NCAPD3: variants seen among roughly 807,000 people sequenced by gnomAD.
NCAPD3 encodes the protein condensin-2 complex subunit D3.
A neutral mutation model predicts 182.9 loss-of-function variants in NCAPD3; 105 were observed. The observed-to-expected ratio is 0.57, with a 90% confidence interval of 0.49 to 0.68. The LOEUF is 0.68. NCAPD3 is among the 30% of genes least tolerant of loss of function. The pLI, the probability that NCAPD3 is intolerant of heterozygous loss-of-function variation, is 0.00. For synonymous variants in NCAPD3, 815 were observed against 679.9 expected, an observed-to-expected ratio of 1.20 and a Z score of -3.09; for missense variants, 1,944 against 1,837.0, an observed-to-expected ratio of 1.06 and a Z score of -1.07.
intron 13 of NCAPD3, among the ~76,000 whole-genome samples, chr11:134,195,262 AT>A (rs36072314): frequency 0.36 from 54,242 of 151,516 alleles, 9,898 homozygotes; most frequent in African/African-American, 0.43. Context: ...CACCATGCTA[AT>A]TTTTTTTTAT....
Position 134,178,858 on chromosome 11 carries a change from G to C in NCAPD3, c.2638C>G (p.Gln880Glu), listed in dbSNP as rs1944230603. ...TCAGCAGACGAAGCCAGGACGGACTGAATCAGAAGGAAGATGCGCTTCTCC... is the reference window on the plus strand; with the variant it reads ...TCAGCAGACGAAGCCAGGACGGACTCAATCAGAAGGAAGATGCGCTTCTCC... ...RVEKRIFLLI[Q>E]SVLASSADAD... Residue 880 changes from glutamine (Q) to glutamate (E), a missense_variant, in exon 21 of 35, where the codon CAG (glutamine) becomes GAG (glutamate). Around this residue, in one of 3 missense-constraint regions of NCAPD3, gnomAD observed 1,803 missense variants for 1,674.6 expected, o/e 1.08. Transcript: ENST00000534548. 1 of 1,614,038 alleles carries C rather than the reference G, an allele frequency of 6.2e-7. No homozygotes were observed. The highest frequency in any genetic ancestry group is 1.7e-5 in the Admixed American group (1 of 60,004).
At chr11:134,162,968 G>A (rs1304644889) in intron 27 of NCAPD3, among the ~76,000 whole-genome samples, 1 of 152,146 alleles carries the variant, frequency 6.6e-6, no homozygotes, top group Non-Finnish European at 1.5e-5. Context: ...GTGGAGAAGG[G>A]AGGATGGGTG....
Position 134,151,366 on chromosome 11 carries a change from T to C in NCAPD3, c.*1578A>G, listed in dbSNP as rs1241199874. 1 of 152,146 alleles carries C rather than the reference T, an allele frequency of 6.6e-6. No individual in the cohort carries two copies. Among genetic ancestry groups the C allele is most frequent in the Non-Finnish European group, 1.5e-5 (1 of 68,028 alleles). The allele number at this position is 152,146 out of a possible 1,614,324, so 9.4% of individuals were successfully genotyped here. A position where few individuals can be genotyped will look rare whatever the true frequency, so the allele number is the denominator to read the frequency against. On this transcript the variant is annotated 3_prime_UTR_variant, in exon 35 of 35. Transcript: ENST00000534548. ...GCAAGTTCCCTCCATCATTGCCACC[T>C]TGGTAGAGAGGGATGGCTCCCCACC...
At chr11:134,216,859 A>C in intron 3 of NCAPD3, 77 bp downstream of exon 3, 1 of 1,429,802 alleles carries the variant, frequency 7.0e-7, no homozygotes, top group Non-Finnish European at 9.4e-7. Flanking sequence ...AGAAACAAGA[A>C]ACAAAGTATA....
chr11:134,163,369 G>A (rs1243730818), intron 27 of NCAPD3, among the ~76,000 whole-genome samples: 5 of 152,074 alleles, frequency 3.3e-5, no homozygotes, highest in Admixed American at 1.3e-4. Context: ...CCTTTAGTCT[G>A]TTTCAGATAT....
chr11:134,161,600 G>A (rs981020619), intron 28 of NCAPD3, among the ~76,000 whole-genome samples, 181 bp downstream of exon 28: 1 of 152,232 alleles, frequency 6.6e-6, no homozygotes, highest in Non-Finnish European at 1.5e-5. Context: ...AAGGGAAAGA[G>A]CGGCTTTGGT....
At chr11:134,153,268 A>G in intron 33 of NCAPD3, 21 bp downstream of exon 33, 1 of 1,614,066 alleles carries the variant, frequency 6.2e-7, no homozygotes, top group Middle Eastern at 1.6e-4. Flanking sequence ...CTATCAGCCC[A>G]GAAGGACACC....
chr11:134,206,693 A>G lies in NCAPD3; in HGVS notation c.922T>C (p.Leu308=), dbSNP rs144184328. ...GATCCTTCACCAACTTCTAACATTAATATTACACTGAGCATTTGATGGAAA... is the reference window on the plus strand; with the variant it reads ...GATCCTTCACCAACTTCTAACATTAGTATTACACTGAGCATTTGATGGAAA... ...CVFHQMLSVI[L]MLEVGEGSHR... The change falls in exon 8 of 35, where the codon TTA becomes CTA. Residue 308 remains leucine (L), a synonymous_variant. Coordinates refer to ENST00000534548, the MANE Select transcript of NCAPD3 (RefSeq NM_015261.3). 7.3e-5 allele frequency: 118 copies of G among 1,612,302 alleles called. No individual in the cohort carries two copies. The African/African-American group carries it at 1.4e-3, about 19-fold the overall frequency.
intron 7 of NCAPD3, 40 bp downstream of exon 7, chr11:134,208,824 G>C (rs1457721376): frequency 7.2e-7 from 1 of 1,393,276 alleles, no homozygotes; most frequent in South Asian, 1.2e-5. Flanking sequence ...ATGTGCCTTC[G>C]ATTCAACTAG....
At position 134,210,299 on chromosome 11, in the gene NCAPD3, C is replaced by T. The variant is rs200885772; in HGVS notation, c.538G>A (p.Gly180Arg). The T allele has an allele frequency of 1.3e-4, 211 of 1,613,526 alleles. No individual in the cohort carries two copies. Among genetic ancestry groups the T allele is most frequent in the Non-Finnish European group, 1.7e-4 (206 of 1,179,902 alleles). ...ATATCTTCTCTCCTGGGTGGCTTTC[C>T]CCTTTTTCTATGCCTCCCGGGGTTA... ...QANPGRHRKR[G>R]KPPRREDIEM... is the part of the protein sequence containing the mutation. Residue 180 changes from glycine to arginine, a missense_variant, in exon 4 of 35, where the codon GGA (glycine) becomes AGA (arginine). By Grantham distance (125) the Gly-to-Arg change is moderately radical (BLOSUM62 -2). Around this residue, in one of 3 missense-constraint regions of NCAPD3, gnomAD observed 1,803 missense variants for 1,674.6 expected, o/e 1.08. Coordinates refer to ENST00000534548, the MANE Select transcript of NCAPD3 (RefSeq NM_015261.3).
At position 134,158,657 on chromosome 11, in the gene NCAPD3, G is replaced by C. The variant is rs983059291; in HGVS notation, c.3868-162C>G. 2.0e-5 allele frequency among the ~76,000 whole-genome samples: 3 copies of C among 152,174 alleles called. No homozygotes were observed. In the East Asian group the frequency reaches 5.8e-4, roughly 29 times the overall value. ...AATTGGCATCTCCATCACCTCAAACGTGAGTATCTTTTCTTTGTGTTGGGA... is the reference window on the plus strand; with the variant it reads ...AATTGGCATCTCCATCACCTCAAACCTGAGTATCTTTTCTTTGTGTTGGGA... On this transcript the variant is annotated intron_variant, in intron 29 of 34. Transcript: ENST00000534548.
intron 32 of NCAPD3, chr11:134,154,025 G>A (rs1943344516): frequency 6.5e-6 from 1 of 153,594 alleles, no homozygotes; most frequent in Non-Finnish European, 1.4e-5. Flanking sequence ...CCGCAGCTTG[G>A]GTGTGAATTC....
At chr11:134,186,843 A>G (rs1342120733) in intron 16 of NCAPD3, among the ~76,000 whole-genome samples, 1 of 152,236 alleles carries the variant, frequency 6.6e-6, no homozygotes, top group Non-Finnish European at 1.5e-5. Context: ...CTATTGATTA[A>G]AAATCCATCC....
chr11:134,154,350 T>C (rs569774234), intron 32 of NCAPD3, among the ~76,000 whole-genome samples: 3 of 152,230 alleles, frequency 2.0e-5, no homozygotes, highest in African/African-American at 7.2e-5. Context: ...CCACCCTCAG[T>C]CTCAGCTGGT....
rs765167360 is a variant in NCAPD3 at position 134,177,377 on chromosome 11, C to A, written c.2863G>T (p.Val955Leu). The change falls in exon 23 of 35, where the codon GTG becomes TTG. Residue 955 changes from valine to leucine, a missense_variant. Coordinates refer to ENST00000534548, the MANE Select transcript of NCAPD3 (RefSeq NM_015261.3). ...ATGATGACGTTGTTGCGGACAGCCA[C>A]GTCCTCACACACCTCGAGCTCTCGC... The part of the protein sequence containing the change: ...LVRELEVCED[V>L]AVRNNVIIVM... 6.2e-7 allele frequency: 1 copy of A among 1,614,146 alleles called. No individual in the cohort carries two copies. Among genetic ancestry groups the A allele is most frequent in the Non-Finnish European group, 8.5e-7 (1 of 1,180,064 alleles).
In NCAPD3 at chr11:134,151,397, C is replaced by T. The variant is rs913873211; in HGVS notation, c.*1547G>A. The T allele has an allele frequency of 1.2e-4, 18 of 152,260 alleles. No homozygotes were observed. The highest frequency in any genetic ancestry group is 3.9e-4 in the African/African-American group (16 of 41,538). The allele number at this position is 152,260 out of a possible 1,614,324, so 9.4% of individuals were successfully genotyped here. ...GAGAGGGATGGCTCCCCACCCTCAG[C>T]GTTGGGGATTCACGCTCCAGCCTCC... On this transcript the variant is annotated 3_prime_UTR_variant, in exon 35 of 35. Coordinates refer to ENST00000534548, the MANE Select transcript of NCAPD3 (RefSeq NM_015261.3).
At chr11:134,163,101 G>A (rs547967249) in intron 27 of NCAPD3, among the ~76,000 whole-genome samples, 2 of 152,182 alleles carry the variant, frequency 1.3e-5, no homozygotes, top group South Asian at 4.2e-4. Flanking sequence ...AGGGAGGTAT[G>A]GGAAAGGTGG....
intron 24 of NCAPD3, 34 bp downstream of exon 24, chr11:134,176,273 C>T: frequency 6.4e-7 from 1 of 1,568,848 alleles, no homozygotes; most frequent in Non-Finnish European, 8.8e-7. Flanking sequence ...ATGAGGTAAA[C>T]TGTTGAGTCG....
Position 134,217,062 on chromosome 11 carries a change from G to T in NCAPD3, c.256C>A (p.His86Asn). ...WTFFIENNVSHSTLVALFYHF... is the reference protein window; with the variant it reads ...WTFFIENNVSNSTLVALFYHF... ...TAGAACAATGCCACCAGTGTACTAT[G>T]GGAAACATTGTTCTCAATGAAGAAG... Residue 86 changes from histidine to asparagine, a missense_variant, in exon 3 of 35, where the codon CAT (histidine) becomes AAT (asparagine). Around this residue, in one of 3 missense-constraint regions of NCAPD3, gnomAD observed 131 missense variants for 133.9 expected, o/e 0.98. Transcript: ENST00000534548. 6.2e-7 allele frequency: 1 copy of T among 1,613,176 alleles called. No homozygotes were observed. The highest frequency in any genetic ancestry group is 8.5e-7 in the Non-Finnish European group (1 of 1,179,640).
Sources: allele counts gnomAD v4.1 joint callset (sites outside exome capture counted in the v4.1 genomes callset), GRCh38; gene constraint gnomAD v4.1.1; regional missense constraint gnomAD v4.1.1; transcripts MANE v1.5; gene names NCBI Gene and HGNC (gene_info 2026-07-23, HGNC 2026-07-21).